The following TENM2 variants were observed in gnomAD, a reference collection of about 807,000 sequenced individuals.
TENM2 encodes teneurin-2.
Under a neutral mutation model 245.2 loss-of-function variants are expected in TENM2, and 52 were observed. The ratio of observed to expected loss-of-function variants is 0.21; its 90% CI spans 0.17 to 0.27. The LOEUF is 0.27. Among genes scored for constraint, TENM2 ranks in the 10% least tolerant of loss-of-function variants. The probability of loss-of-function intolerance (pLI) is 1.00; values close to 1 mark genes in which losing one functional copy is unlikely to be tolerated. For synonymous variants in TENM2, 1,363 were observed against 1,438.9 expected (o/e 0.95, Z 1.19); for missense variants, 3,046 against 3,666.8 (o/e 0.83, Z 4.37).
chr5:168,119,470 C>A (rs1795317711), intron 10 of TENM2, among the ~76,000 whole-genome samples: 1 of 152,220 alleles, frequency 6.6e-6, no homozygotes, highest in African/African-American at 2.4e-5. Context: ...GACTGACTTG[C>A]AGTAGCTATA....
At chr5:167,387,325 CTG>C (rs1176280128) in intron 2 of TENM2, among the ~76,000 whole-genome samples, 2 of 151,920 alleles carry the variant, frequency 1.3e-5, no homozygotes, top group Admixed American at 6.6e-5. Flanking sequence ...AGCTTGGTCA[CTG>C]TCGGTGTATA....
At chr5:167,105,887 C>CAAAAAAAAAAAAAAA in the TENM2 span, among the ~76,000 whole-genome samples, 6 of 48,848 alleles carry the variant, frequency 1.2e-4, 1 homozygote, top group African/African-American at 1.2e-4. Context: ...GACTCCGTCT[C>CAAAAAAAAAAAAAAA]AAAAAAAAAA....
At chr5:167,662,244 T>A (rs1405666976) in intron 2 of TENM2, among the ~76,000 whole-genome samples, 1 of 151,942 alleles carries the variant, frequency 6.6e-6, no homozygotes, top group Non-Finnish European at 1.5e-5. Context: ...CTAGATTGGG[T>A]ATGGGGAGTT....
intron 2 of TENM2, among the ~76,000 whole-genome samples, chr5:167,701,814 G>A (rs2150442451): frequency 6.6e-6 from 1 of 152,244 alleles, no homozygotes; most frequent in Non-Finnish European, 1.5e-5. Flanking sequence ...TAAGTATTTT[G>A]TTATTTTAAT....
intron 2 of TENM2, among the ~76,000 whole-genome samples, chr5:167,762,935 T>G (rs186850048): frequency 6.6e-6 from 1 of 152,238 alleles, no homozygotes; most frequent in African/African-American, 2.4e-5. Context: ...CAAAATTCAA[T>G]TGAACTGTCA....
intron 2 of TENM2, among the ~76,000 whole-genome samples, chr5:167,547,614 G>A (rs573818027): frequency 2.6e-5 from 4 of 152,100 alleles, no homozygotes; most frequent in Admixed American, 2.0e-4. Context: ...GGAGCTACCC[G>A]GGGACTTTAG....
intron 2 of TENM2, among the ~76,000 whole-genome samples, chr5:167,730,285 G>C (rs1474977432): frequency 6.6e-6 from 1 of 152,172 alleles, no homozygotes; most frequent in Non-Finnish European, 1.5e-5. Flanking sequence ...GTCAGTTGAG[G>C]ATGTTGGGAT....
chr5:167,003,518 A>C, the TENM2 span, among the ~76,000 whole-genome samples: 13,562 of 152,226 alleles, frequency 0.089, 766 homozygotes, highest in East Asian at 0.31. Flanking sequence ...TCATGGCTCA[A>C]ATGACCAGCT....
At chr5:167,705,983 ATATATATATTTATTTATT>A (rs1442988912) in intron 2 of TENM2, among the ~76,000 whole-genome samples, 1 of 108,158 alleles carries the variant, frequency 9.2e-6, no homozygotes, top group African/African-American at 4.3e-5. Context: ...ATATATATAT[ATATATATATTTATTTATT>A]TATTTATTTA....
chr5:167,505,950 G>C (rs1313874837), intron 2 of TENM2, among the ~76,000 whole-genome samples: 1 of 152,094 alleles, frequency 6.6e-6, no homozygotes, highest in Non-Finnish European at 1.5e-5. Flanking sequence ...AGAGGCTAAG[G>C]TAGGAAAACT....
At chr5:167,680,717 T>C (rs1756651598) in intron 2 of TENM2, among the ~76,000 whole-genome samples, 1 of 152,106 alleles carries the variant, frequency 6.6e-6, no homozygotes, top group Non-Finnish European at 1.5e-5. Flanking sequence ...CAATAATGCT[T>C]AGGAAATGGC....
At chr5:167,497,907 G>A (rs1768922966) in intron 2 of TENM2, among the ~76,000 whole-genome samples, 1 of 151,872 alleles carries the variant, frequency 6.6e-6, no homozygotes, top group Non-Finnish European at 1.5e-5. Flanking sequence ...ATCTATCCTT[G>A]TAATATGGTA....
At chr5:168,258,002 C>T (rs775903392) in intron 27 of TENM2, among the ~76,000 whole-genome samples, 24 of 152,120 alleles carry the variant, frequency 1.6e-4, no homozygotes, top group Admixed American at 9.2e-4. Flanking sequence ...TTAGACATCC[C>T]TCGGGAGGTG....
intron 3 of TENM2, among the ~76,000 whole-genome samples, chr5:167,913,443 C>T (rs541426844): frequency 8.4e-4 from 128 of 152,294 alleles, no homozygotes; most frequent in Non-Finnish European, 1.6e-3. Context: ...ATCCTTTTCT[C>T]GACAGGATAT....
exon 29 of TENM2, chr5:168,262,207 T>G (rs1289141362): frequency 4.3e-6 from 7 of 1,609,852 alleles, no homozygotes; most frequent in Non-Finnish European, 5.1e-6. Context: ...GCATCATGTT[T>G]GCCATCAAAG....
chr5:168,201,037 G>A (rs1761892461), intron 17 of TENM2, among the ~76,000 whole-genome samples: 2 of 151,990 alleles, frequency 1.3e-5, no homozygotes, highest in Admixed American at 1.3e-4. Flanking sequence ...CTTTTGTTGG[G>A]TAACCTCTCA....
the TENM2 span, among the ~76,000 whole-genome samples, chr5:167,129,785 A>G: frequency 6.6e-6 from 1 of 152,170 alleles, no homozygotes; most frequent in East Asian, 1.9e-4. Context: ...TTTTCCCTTG[A>G]CCCACAAAGA....
chr5:167,857,712 G>T (rs1348620116), intron 2 of TENM2, among the ~76,000 whole-genome samples: 2 of 152,186 alleles, frequency 1.3e-5, no homozygotes, highest in Non-Finnish European at 2.9e-5. Context: ...TTTTATTAGG[G>T]GGGAGGGGAG....
chr5:167,638,604 A>T (rs1311802731), intron 2 of TENM2, among the ~76,000 whole-genome samples: 1 of 152,248 alleles, frequency 6.6e-6, no homozygotes, highest in Non-Finnish European at 1.5e-5. Flanking sequence ...CCCTGATGTC[A>T]GTTGATCTAT....
Sources: allele counts gnomAD v4.1 joint callset (sites outside exome capture counted in the v4.1 genomes callset), GRCh38; gene constraint gnomAD v4.1.1; transcripts MANE v1.5; gene names NCBI Gene and HGNC (gene_info 2026-07-23, HGNC 2026-07-21).